Variants in CAGE1 observed in about 807,000 individuals in gnomAD.
CAGE1 encodes the protein cancer-associated gene 1 protein.
In CAGE1, 66 loss-of-function variants were observed where a neutral mutation model predicts 94.9. That is an observed-to-expected ratio of 0.70 (90% confidence interval 0.57 to 0.85). The LOEUF is 0.85. Ranked by LOEUF, CAGE1 falls within the 40% of genes least tolerant of loss-of-function variation. The probability of loss-of-function intolerance (pLI) is 0.00; values close to 1 mark genes in which losing one functional copy is unlikely to be tolerated. For synonymous variants in CAGE1, 319 were observed against 321.0 expected (o/e 0.99, Z 0.07); for missense variants, 865 against 950.4 (o/e 0.91, Z 1.18).
At chr6:7,379,593 G>A (rs1760865033) in intron 3 of CAGE1, among the ~76,000 whole-genome samples, 1 of 152,152 alleles carries the variant, frequency 6.6e-6, no homozygotes, top group Admixed American at 6.6e-5. Context: ...CAGATGTAAT[G>A]TTTTTTAAAA....
intron 9 of CAGE1, among the ~76,000 whole-genome samples, chr6:7,357,529 T>G (rs1759998723): frequency 6.6e-6 from 1 of 152,186 alleles, no homozygotes; most frequent in Non-Finnish European, 1.5e-5. Flanking sequence ...CTTTTAAGTC[T>G]GCAGATGGAT....
chr6:7,349,023 A>C (rs1759670415), intron 11 of CAGE1, among the ~76,000 whole-genome samples: 1 of 152,222 alleles, frequency 6.6e-6, no homozygotes, highest in Non-Finnish European at 1.5e-5. Context: ...CTGGCCTTGC[A>C]AGAGACCGCA....
chr6:7,335,976 T>C (rs1365485943), intron 11 of CAGE1, among the ~76,000 whole-genome samples: 1 of 152,228 alleles, frequency 6.6e-6, no homozygotes, highest in Non-Finnish European at 1.5e-5. Context: ...TGTTAAATAT[T>C]ATATGGACAA....
rs1299638442 is a variant in CAGE1 at position 7,356,086 on chromosome 6, C to T, written c.2237G>A (p.Cys746Tyr). 1 of 1,550,660 alleles carries T rather than the reference C, an allele frequency of 6.4e-7. No homozygotes were observed. The highest frequency in any genetic ancestry group is 8.7e-7 in the Non-Finnish European group (1 of 1,145,908). Residue 746 changes from cysteine (C) to tyrosine (Y), a missense_variant, in exon 10 of 14, where the codon TGC becomes TAC. Coordinates refer to ENST00000502583, the MANE Select transcript of CAGE1 (RefSeq NM_001170692.2). ...GHLLESKENH[C>Y]NRLIEENDKY... Reference sequence around the variant, plus strand: ...GTCATTTTCTTCAATGAGTCTGTTGCAGTGGTTTTCTTTTGACTCTAGGAG... The same window carrying T: ...GTCATTTTCTTCAATGAGTCTGTTGTAGTGGTTTTCTTTTGACTCTAGGAG...
intron 12 of CAGE1, among the ~76,000 whole-genome samples, chr6:7,330,851 A>C (rs966311202): frequency 3.9e-5 from 6 of 152,234 alleles, no homozygotes; most frequent in Non-Finnish European, 8.8e-5. Flanking sequence ...CCTAGACTCC[A>C]TTGTGAAAAT....
chr6:7,350,100 G>A (rs1759716359), intron 11 of CAGE1, among the ~76,000 whole-genome samples: 1 of 152,094 alleles, frequency 6.6e-6, no homozygotes, highest in Non-Finnish European at 1.5e-5. Flanking sequence ...AAGCGAGCAG[G>A]GGTAGCTATT....
At chr6:7,363,324 G>C (rs759275886) in intron 9 of CAGE1, among the ~76,000 whole-genome samples, 2 of 151,754 alleles carry the variant, frequency 1.3e-5, no homozygotes, top group Non-Finnish European at 2.9e-5. Flanking sequence ...AAAACAAAAT[G>C]GTACCACTAT....
chr6:7,375,943 A>T (rs973136255), intron 4 of CAGE1, among the ~76,000 whole-genome samples: 31 of 152,148 alleles, frequency 2.0e-4, no homozygotes, highest in African/African-American at 6.8e-4. Flanking sequence ...CTGTGCTTTA[A>T]ATGCATCCCC....
In CAGE1 at chr6:7,373,155, T is replaced by C. The variant is rs1230973271; in HGVS notation, c.1664A>G (p.Glu555Gly). 6.2e-7 allele frequency: 1 copy of C among 1,613,858 alleles called. No homozygotes were observed. Among genetic ancestry groups the C allele is most frequent in the Non-Finnish European group, 8.5e-7 (1 of 1,179,858 alleles). The change falls in exon 5 of 14, where the codon GAA becomes GGA. Residue 555 changes from glutamate (E) to glycine (G), a missense_variant. Coordinates refer to ENST00000502583, the MANE Select transcript of CAGE1 (RefSeq NM_001170692.2). ...AKLKQQVARS[E>G]EQNYVPKFET... ...AAATTTAGGGACATAATTTTGCTCT[T>C]CACTCCTTGCAACCTGCTGTTTAAG...
chr6:7,373,285 A>G lies in CAGE1; in HGVS notation c.1534T>C (p.Leu512=). ...TGCAAATTTCTAACTTGAGTGAGCAATTTCTCAAGTCTAGATTTCAGTTTC... is the reference window on the plus strand; with the variant it reads ...TGCAAATTTCTAACTTGAGTGAGCAGTTTCTCAAGTCTAGATTTCAGTTTC... ...RQKLKSRLEK[L]LTQVRNLQFM... is the part of the protein sequence containing the mutation. Residue 512 remains leucine (L), a synonymous_variant, in exon 5 of 14, where the codon TTG becomes CTG. Transcript: ENST00000502583. 1.9e-6 allele frequency: 3 copies of G among 1,603,906 alleles called. No individual in the cohort carries two copies. In the South Asian group the frequency reaches 3.3e-5, roughly 18 times the overall value.
intron 11 of CAGE1, among the ~76,000 whole-genome samples, chr6:7,344,436 G>A (rs1029529819): frequency 6.6e-6 from 1 of 152,248 alleles, no homozygotes; most frequent in Non-Finnish European, 1.5e-5. Flanking sequence ...TTCTCACCGT[G>A]CCTTAGCTGC....
chr6:7,356,652 A>T (rs889149169), intron 9 of CAGE1, among the ~76,000 whole-genome samples: 2 of 152,242 alleles, frequency 1.3e-5, no homozygotes, highest in Non-Finnish European at 1.5e-5. Flanking sequence ...ATTAAAAATG[A>T]AAAATTATGT....
In CAGE1 at chr6:7,339,585, G is replaced by T. The variant is rs771487676; in HGVS notation, c.2370-5495C>A. 4.1e-6 allele frequency: 3 copies of T among 740,028 alleles called. No homozygotes were observed. The highest frequency in any genetic ancestry group is 7.5e-6 in the Non-Finnish European group (3 of 401,448). 45.8% of individuals were successfully genotyped at this position (740,028 alleles called of 1,614,324 possible). On this transcript the variant is annotated intron_variant, in intron 11 of 13. Coordinates refer to ENST00000502583, the MANE Select transcript of CAGE1 (RefSeq NM_001170692.2). This position sits in a 1 kb window ranked among gnomAD's most constrained non-coding sequence, Gnocchi z 4.7. Reference sequence around the variant, plus strand: ...TAAGGCGATCTTGCCGCCATGCTCCGCTGAAAGGAAAGGCACTGTATCATT... The same window carrying T: ...TAAGGCGATCTTGCCGCCATGCTCCTCTGAAAGGAAAGGCACTGTATCATT...
intron 9 of CAGE1, among the ~76,000 whole-genome samples, chr6:7,357,459 T>C (rs1017039487): frequency 1.3e-5 from 2 of 152,174 alleles, no homozygotes; most frequent in African/African-American, 4.8e-5. Flanking sequence ...CTCTTTTTCA[T>C]TATAGATTTC....
chr6:7,340,457 T>C (rs1759119839), intron 11 of CAGE1, among the ~76,000 whole-genome samples: 2 of 152,176 alleles, frequency 1.3e-5, no homozygotes, highest in Non-Finnish European at 2.9e-5. Context: ...GAACATAGAA[T>C]TTATTAGATA....
In CAGE1 at chr6:7,387,211, T is replaced by C. The variant is rs770630088; in HGVS notation, c.-23-15A>G. The C allele has an allele frequency of 2.7e-6, 4 of 1,467,730 alleles. No individual in the cohort carries two copies. The highest frequency in any genetic ancestry group is 2.8e-6 in the Non-Finnish European group (3 of 1,079,156). The allele number at this position is 1,467,730 out of a possible 1,614,324, so 90.9% of individuals were successfully genotyped here. Reference sequence around the variant, plus strand: ...ATAGAAGACTTCTTTAAAAAAAAAATGTGTCTATTAGTAGGTATAAACAAA... The same window carrying C: ...ATAGAAGACTTCTTTAAAAAAAAAACGTGTCTATTAGTAGGTATAAACAAA... On this transcript the variant is annotated splice_polypyrimidine_tract_variant and intron_variant, in intron 1 of 13. Transcript: ENST00000502583.
intron 5 of CAGE1, among the ~76,000 whole-genome samples, chr6:7,372,656 C>A (rs955535683): frequency 1.3e-5 from 2 of 151,964 alleles, no homozygotes; most frequent in African/African-American, 4.8e-5. Context: ...CTTTCCATAT[C>A]TGTTTTTCTT....
Position 7,389,653 on chromosome 6 carries a change from C to T in CAGE1, c.-475G>A. On this transcript the variant is annotated 5_prime_UTR_variant, in exon 1 of 14. Transcript: ENST00000502583. Reference sequence around the variant, plus strand: ...GAAAACTCCGGGAAGAAACGGCCAGCACGGGCCTCGCCGTGCCGGCTACTC... The same window carrying T: ...GAAAACTCCGGGAAGAAACGGCCAGTACGGGCCTCGCCGTGCCGGCTACTC... 5.0e-6 allele frequency: 2 copies of T among 399,148 alleles called. No homozygotes were observed. Among genetic ancestry groups the T allele is most frequent in the South Asian group, 2.6e-5 (1 of 39,188 alleles). 24.7% of individuals were successfully genotyped at this position (399,148 alleles called of 1,614,324 possible).
intron 4 of CAGE1, among the ~76,000 whole-genome samples, chr6:7,375,510 G>A (rs954089550): frequency 1.3e-5 from 2 of 152,208 alleles, no homozygotes; most frequent in Non-Finnish European, 2.9e-5. Flanking sequence ...CCCAAGGTGA[G>A]AGGATTCCTT....
Sources: allele counts gnomAD v4.1 joint callset (sites outside exome capture counted in the v4.1 genomes callset), GRCh38; gene constraint gnomAD v4.1.1; non-coding constraint Gnocchi (gnomAD v3.1); transcripts MANE v1.5; gene names NCBI Gene and HGNC (gene_info 2026-07-23, HGNC 2026-07-21).